ATP10A: variants seen among roughly 807,000 people sequenced by gnomAD.
ATP10A encodes the protein phospholipid-transporting ATPase VA.
In ATP10A, 111 loss-of-function variants were observed where a neutral mutation model predicts 147.8. The observed-to-expected ratio is 0.75, with a 90% CI of 0.64 to 0.88. The LOEUF is 0.88. ATP10A is among the 40% of genes least tolerant of loss of function. ATP10A has a pLI of 0.00. For synonymous variants in ATP10A, 875 were observed against 841.6 expected (o/e 1.04, Z -0.69); for missense variants, 1,927 against 1,959.0 (o/e 0.98, Z 0.31).
rs201840447 is a variant in ATP10A, at chr15:25,716,804, C to T, written c.1702G>A (p.Val568Ile). Residue 568 changes from valine to isoleucine, a missense_variant, in exon 9 of 21, where the codon GTC (valine) becomes ATC (isoleucine). Physicochemically the swap from Val to Ile is conservative, Grantham distance 29. Coordinates refer to ENST00000555815, the MANE Select transcript of ATP10A (RefSeq NM_024490.4). Reference sequence around the variant, plus strand: ...GTGAGTGCGATGAAGAAATCAAAGACGTCAGACAGCTCAGGCGAGAGGTGG... The same window carrying T: ...GTGAGTGCGATGAAGAAATCAAAGATGTCAGACAGCTCAGGCGAGAGGTGG... ...LAHLSPELSD[V>I]FDFFIALTIC... The T allele has an allele frequency of 1.5e-5, 24 of 1,609,732 alleles. No homozygotes were observed. Among genetic ancestry groups the T allele is most frequent in the East Asian group, 4.5e-5 (2 of 44,314 alleles).
intron 2 of ATP10A, among the ~76,000 whole-genome samples, chr15:25,757,559 G>A (rs1888488689): frequency 6.6e-6 from 1 of 151,882 alleles, no homozygotes; most frequent in African/African-American, 2.4e-5. Context: ...GATTTAAGGA[G>A]GAAATAGAAA....
chr15:25,703,239 T>A (rs1312805695), intron 12 of ATP10A, among the ~76,000 whole-genome samples: 1 of 152,154 alleles, frequency 6.6e-6, no homozygotes, highest in Non-Finnish European at 1.5e-5. Flanking sequence ...GTGCCTGTAA[T>A]CCCAGCTGCT....
intron 1 of ATP10A, among the ~76,000 whole-genome samples, chr15:25,808,040 C>T (rs908878415): frequency 6.6e-6 from 1 of 152,126 alleles, no homozygotes; most frequent in African/African-American, 2.4e-5. Flanking sequence ...AAAAGTGACA[C>T]ACGTATCACT....
chr15:25,777,730 G>T (rs1889683897), intron 2 of ATP10A, among the ~76,000 whole-genome samples: 1 of 151,212 alleles, frequency 6.6e-6, no homozygotes, highest in African/African-American at 2.4e-5. Flanking sequence ...CCCTTGAGCA[G>T]CTAGGACCAC....
chr15:25,784,169 G>T (rs1890052934), intron 1 of ATP10A, among the ~76,000 whole-genome samples: 2 of 152,200 alleles, frequency 1.3e-5, no homozygotes, highest in South Asian at 4.1e-4. Flanking sequence ...ATTTGAAAGG[G>T]CCTGTCCCTT....
chr15:25,794,515 A>T (rs1380269165), intron 1 of ATP10A, among the ~76,000 whole-genome samples: 1 of 152,204 alleles, frequency 6.6e-6, no homozygotes, highest in African/African-American at 2.4e-5. Context: ...GTCTTGGAAG[A>T]TCCAGCCCTG....
chr15:25,724,009 C>T lies in ATP10A; in HGVS notation c.992G>A (p.Trp331Ter). 1 of 1,600,042 alleles carries T rather than the reference C, an allele frequency of 6.2e-7. No homozygotes were observed. Among genetic ancestry groups the T allele is most frequent in the Non-Finnish European group, 8.5e-7 (1 of 1,174,658 alleles). ...CTTCTTCTCTTGATACCGCCATATC[C>T]ACAGTCCATGTCCTGTAGTAATGTT... Reference protein sequence around the residue: ...SLFSAVGHGLWIWRYQEKKSL... With the variant: ...SLFSAVGHGL The change falls in exon 6 of 21, where the codon TGG becomes TAG. Residue 331 changes from tryptophan to a stop codon, truncating the protein, a stop_gained. Coordinates refer to ENST00000555815, the MANE Select transcript of ATP10A (RefSeq NM_024490.4). LOFTEE classifies it high-confidence loss of function.
At chr15:25,797,772 C>T (rs747689497) in intron 1 of ATP10A, among the ~76,000 whole-genome samples, 1 of 152,088 alleles carries the variant, frequency 6.6e-6, no homozygotes, top group Non-Finnish European at 1.5e-5. Flanking sequence ...AGGAGACTGC[C>T]GCCCTGGGGG....
downstream of ATP10A, among the ~76,000 whole-genome samples, chr15:25,676,739 CCTTT>C (rs1396560314): frequency 6.6e-6 from 1 of 151,922 alleles, no homozygotes; most frequent in Non-Finnish European, 1.5e-5. Flanking sequence ...AATTATGTCT[CCTTT>C]CTTTTACATA....
Position 25,716,885 on chromosome 15 carries a change from CCTT to C in ATP10A, c.1618_1620del (p.Lys540del). The stretch of plus-strand genomic sequence containing the variant: ...GCTAGGCTCTTGTCACACTCACTCA[CCTT>C]CTCCAGCAGCTTTGGGTCGGGCGTG... On this transcript the variant is annotated inframe_deletion, in exon 9 of 21. Coordinates refer to ENST00000555815, the MANE Select transcript of ATP10A (RefSeq NM_024490.4). 2 of 1,601,268 alleles carry C rather than the reference CCTT, an allele frequency of 1.2e-6. No homozygotes were observed. Among genetic ancestry groups the C allele is most frequent in the Non-Finnish European group, 1.7e-6 (2 of 1,173,568 alleles).
chr15:25,721,586 C>A, intron 7 of ATP10A, 71 bp downstream of exon 7: 1 of 1,415,260 alleles, frequency 7.1e-7, no homozygotes. Flanking sequence ...GTGTGTGTGT[C>A]TCCAAACAAT....
intron 14 of ATP10A, among the ~76,000 whole-genome samples, chr15:25,693,402 G>C (rs1399444229): frequency 1.3e-5 from 2 of 152,132 alleles, no homozygotes; most frequent in African/African-American, 4.8e-5. Context: ...TTTTTAATCT[G>C]CCAAGGATTT....
Position 25,716,917 on chromosome 15 carries a change from T to C in ATP10A, c.1589A>G (p.Asp530Gly). Residue 530 changes from aspartate to glycine, a missense_variant, in exon 9 of 21, where the codon GAT becomes GGT. Physicochemically the swap from Asp to Gly is moderately conservative, Grantham distance 94. Coordinates refer to ENST00000555815, the MANE Select transcript of ATP10A (RefSeq NM_024490.4). ...HTAFSSPMEK[D>G]ITPDPKLLEK... ...CAGCAGCTTTGGGTCGGGCGTGATA[T>C]CCTTCTCCTGGGAGAAAGGGAGGCT... The C allele has an allele frequency of 1.3e-6, 2 of 1,568,838 alleles. No homozygotes were observed. The highest frequency in any genetic ancestry group is 1.7e-6 in the Non-Finnish European group (2 of 1,154,086).
At chr15:25,812,085 C>A (rs762296686) in intron 1 of ATP10A, among the ~76,000 whole-genome samples, 1 of 152,222 alleles carries the variant, frequency 6.6e-6, no homozygotes, top group African/African-American at 2.4e-5. Context: ...ACGTTTATAG[C>A]GGCAAAGATG....
intron 2 of ATP10A, among the ~76,000 whole-genome samples, chr15:25,767,659 G>A (rs1046262662): frequency 6.6e-5 from 10 of 152,362 alleles, no homozygotes; most frequent in African/African-American, 2.2e-4. Flanking sequence ...ATGCAGGGGT[G>A]AGCCCAGGCC....
At chr15:25,822,136 T>C (rs370091198) in intron 1 of ATP10A, among the ~76,000 whole-genome samples, 6 of 152,184 alleles carry the variant, frequency 3.9e-5, no homozygotes, top group Non-Finnish European at 8.8e-5. Flanking sequence ...TATTATATTG[T>C]ATTGTTTAGA....
intron 10 of ATP10A, 102 bp downstream of exon 10, chr15:25,713,572 G>A (rs1340161027): frequency 8.5e-7 from 1 of 1,182,576 alleles, no homozygotes; most frequent in Non-Finnish European, 1.2e-6. Context: ...GTTGGAAAAG[G>A]ATTAATGAAA....
At position 25,679,964 on chromosome 15, in the gene ATP10A, T is replaced by G. The variant is rs1185021671; in HGVS notation, c.3877A>C (p.Arg1293=). The part of the protein sequence containing the change: ...VAALLPRLFF[R]SLQGRVFPTQ... ...GGGAAAACCCTCCCCTGGAGGGATC[T>G]GAAAAACAATCTAGAAAAAGTACAT... The change falls in exon 21 of 21, where the codon AGA becomes CGA. Residue 1293 remains arginine (R), a synonymous_variant. Transcript: ENST00000555815. The G allele has an allele frequency of 6.3e-7, 1 of 1,591,730 alleles. No individual in the cohort carries two copies. Among genetic ancestry groups the G allele is most frequent in the African/African-American group, 1.3e-5 (1 of 74,118 alleles).
intron 15 of ATP10A, 55 bp downstream of exon 15, chr15:25,691,660 G>C (rs767554162): frequency 8.9e-6 from 14 of 1,578,202 alleles, no homozygotes; most frequent in Non-Finnish European, 1.2e-5. Flanking sequence ...AGGGTGACAG[G>C]ACAAGAGGTC....
Sources: allele counts gnomAD v4.1 joint callset (sites outside exome capture counted in the v4.1 genomes callset), GRCh38; gene constraint gnomAD v4.1.1; transcripts MANE v1.5; gene names NCBI Gene and HGNC (gene_info 2026-07-23, HGNC 2026-07-21).